Variants in VTA1 observed in about 807,000 individuals in gnomAD.
VTA1 encodes the protein vacuolar protein sorting-associated protein VTA1 homolog.
In VTA1, 24 loss-of-function variants were observed where a neutral mutation model predicts 36.9. That is an observed-to-expected ratio of 0.65 (90% CI 0.47 to 0.91). The LOEUF (loss-of-function observed/expected upper bound fraction) is 0.91, where lower values mean the gene tolerates loss of function less well. VTA1 is among the 40% of genes least tolerant of loss of function. The pLI, the probability that VTA1 is intolerant of heterozygous loss-of-function variation, is 0.00. For missense variants in VTA1, 393 were observed against 377.2 expected (o/e 1.04, Z -0.35); for synonymous variants, 142 against 130.2 (o/e 1.09, Z -0.62).
chr6:142,206,588 T>TC (rs777044337), intron 7 of VTA1, among the ~76,000 whole-genome samples: 3 of 152,188 alleles, frequency 2.0e-5, no homozygotes, highest in Non-Finnish European at 4.4e-5. Flanking sequence ...GCATATGAAC[T>TC]CCAACTATCT....
chr6:142,185,129 CT>C (rs1775316709), intron 4 of VTA1, among the ~76,000 whole-genome samples: 1 of 152,006 alleles, frequency 6.6e-6, no homozygotes. Context: ...GTATCATTTC[CT>C]TTACCTTATT....
At chr6:142,152,269 A>T (rs1251474876) in intron 1 of VTA1, among the ~76,000 whole-genome samples, 1 of 152,216 alleles carries the variant, frequency 6.6e-6, no homozygotes. Flanking sequence ...ATGAGTAATG[A>T]TGGGGTAACA....
At chr6:142,212,313 A>C (rs1775919332) in intron 7 of VTA1, among the ~76,000 whole-genome samples, 1 of 152,252 alleles carries the variant, frequency 6.6e-6, no homozygotes, top group South Asian at 2.1e-4. Flanking sequence ...GTACATCTAG[A>C]CAATGGGATA....
chr6:142,213,543 C>A (rs1025578189), intron 7 of VTA1, among the ~76,000 whole-genome samples: 1 of 152,258 alleles, frequency 6.6e-6, no homozygotes, highest in Non-Finnish European at 1.5e-5. Context: ...TCCAACCCCC[C>A]ATATCTTCTC....
intron 1 of VTA1, 121 bp downstream of exon 1, chr6:142,147,520 G>A (rs1778472339): frequency 9.6e-7 from 1 of 1,040,254 alleles, no homozygotes; most frequent in East Asian, 2.6e-5. Context: ...CTTTGACCTC[G>A]AGCCTACCCA....
chr6:142,185,618 GAA>G (rs1277985656), intron 4 of VTA1, among the ~76,000 whole-genome samples: 2 of 152,100 alleles, frequency 1.3e-5, no homozygotes, highest in Non-Finnish European at 2.9e-5. Context: ...AAATAATCTG[GAA>G]AAGTCAGTGC....
chr6:142,223,998 T>C lies in VTA1; in HGVS notation c.*5355T>C, dbSNP rs896118937. On this transcript the variant is annotated 3_prime_UTR_variant, in exon 8 of 8. Transcript: ENST00000367630. ...TGGGGCGGGGGGCTAGGGAATGTGTTATGACTAAATTGTATCCCTTCAGAA... is the reference window on the plus strand; with the variant it reads ...TGGGGCGGGGGGCTAGGGAATGTGTCATGACTAAATTGTATCCCTTCAGAA... The C allele has an allele frequency of 6.6e-6, 1 of 152,186 alleles. No individual in the cohort carries two copies. Among genetic ancestry groups the C allele is most frequent in the Non-Finnish European group, 1.5e-5 (1 of 68,060 alleles). 9.4% of individuals were successfully genotyped at this position (152,186 alleles called of 1,614,324 possible). A position where few individuals can be genotyped will look rare whatever the true frequency, so the allele number is the denominator to read the frequency against.
chr6:142,178,209 G>T (rs909026915), intron 4 of VTA1, among the ~76,000 whole-genome samples: 1 of 151,990 alleles, frequency 6.6e-6, no homozygotes, highest in Non-Finnish European at 1.5e-5. Flanking sequence ...TTACACACAG[G>T]GTAACAGTGT....
At chr6:142,149,772 C>T (rs753620209) in intron 1 of VTA1, among the ~76,000 whole-genome samples, 1 of 151,978 alleles carries the variant, frequency 6.6e-6, no homozygotes, top group African/African-American at 2.4e-5. Context: ...CATTTCTTTT[C>T]GTGTATTTGT....
At chr6:142,171,457 G>T (rs1014876412) in intron 4 of VTA1, among the ~76,000 whole-genome samples, 1 of 152,082 alleles carries the variant, frequency 6.6e-6, no homozygotes, top group Non-Finnish European at 1.5e-5. Flanking sequence ...TATTGTTAAT[G>T]GTTTGTTTCC....
intron 7 of VTA1, among the ~76,000 whole-genome samples, chr6:142,210,587 A>C (rs1490582094): frequency 6.6e-6 from 1 of 152,224 alleles, no homozygotes; most frequent in Non-Finnish European, 1.5e-5. Context: ...AATAGCAAAA[A>C]ACAAATAATG....
At chr6:142,149,483 G>A (rs759663517) in intron 1 of VTA1, among the ~76,000 whole-genome samples, 4 of 152,168 alleles carry the variant, frequency 2.6e-5, no homozygotes, top group Non-Finnish European at 4.4e-5. Flanking sequence ...GCAATTCTCT[G>A]AGTCTTAATG....
chr6:142,176,011 T>A (rs1199809206), intron 4 of VTA1, among the ~76,000 whole-genome samples: 1 of 152,218 alleles, frequency 6.6e-6, no homozygotes, highest in Non-Finnish European at 1.5e-5. Context: ...CTTCTAGCTC[T>A]GTTGTTACAT....
chr6:142,181,094 A>T (rs71547157), intron 4 of VTA1, among the ~76,000 whole-genome samples: 7,459 of 36,502 alleles, frequency 0.2, 835 homozygotes, highest in South Asian at 0.37. Flanking sequence ...AAAAAAAAAA[A>T]ATATATATAT....
At chr6:142,162,527 C>T (rs225648) in intron 1 of VTA1, among the ~76,000 whole-genome samples, 1 of 151,916 alleles carries the variant, frequency 6.6e-6, no homozygotes, top group Non-Finnish European at 1.5e-5. Context: ...TGGTTGTCTT[C>T]GAGATTAAAG....
intron 2 of VTA1, among the ~76,000 whole-genome samples, chr6:142,168,932 A>G (rs1209735602): frequency 4.0e-5 from 6 of 151,470 alleles, no homozygotes; most frequent in African/African-American, 1.5e-4. Context: ...ATGCCCAGCT[A>G]ATTTCTTTTT....
chr6:142,192,737 C>A (rs537924346), intron 5 of VTA1, among the ~76,000 whole-genome samples: 95 of 150,718 alleles, frequency 6.3e-4, no homozygotes, highest in Non-Finnish European at 1.1e-3. Context: ...TGTAAAATTT[C>A]AAAATACAAC....
Position 142,224,537 on chromosome 6 carries a change from T to C in VTA1, c.*5894T>C, listed in dbSNP as rs993550915. The C allele has an allele frequency of 6.6e-6, 1 of 152,224 alleles. No individual in the cohort carries two copies. Among genetic ancestry groups the C allele is most frequent in the Admixed American group, 6.5e-5 (1 of 15,272 alleles). The allele number at this position is 152,224 out of a possible 1,614,324, so 9.4% of individuals were successfully genotyped here. A position where few individuals can be genotyped will look rare whatever the true frequency, so the allele number is the denominator to read the frequency against. On this transcript the variant is annotated 3_prime_UTR_variant, in exon 8 of 8. Coordinates refer to ENST00000367630, the MANE Select transcript of VTA1 (RefSeq NM_016485.5). ...TACATGTGTCTCCCTCATTAGATGC[T>C]AAGTTCCTTGATATTTTATACATTT...
chr6:142,212,654 G>A lies in VTA1; in HGVS notation c.779-5844G>A, dbSNP rs993472578. Among the ~76,000 whole-genome samples, 16 of 152,118 alleles carry A rather than the reference G, an allele frequency of 1.1e-4. No individual in the cohort carries two copies. The East Asian group carries it at 2.9e-3, about 27-fold the overall frequency. On this transcript the variant is annotated intron_variant, in intron 7 of 7. Coordinates refer to ENST00000367630, the MANE Select transcript of VTA1 (RefSeq NM_016485.5). ...TAATGTATGAAGAATAGAGGTTTAC[G>A]ACTCATGGTTACACAGGCTTAACAG...
Sources: allele counts gnomAD v4.1 joint callset (sites outside exome capture counted in the v4.1 genomes callset), GRCh38; gene constraint gnomAD v4.1.1; transcripts MANE v1.5; gene names NCBI Gene and HGNC (gene_info 2026-07-23, HGNC 2026-07-21).